Variants in MOB4 observed in about 807,000 individuals in gnomAD.
The protein encoded by MOB4 is MOB family member 4, phocein.
MOB4 carries 4 observed loss-of-function variants against 32.2 expected under a neutral mutation model. The ratio of observed to expected loss-of-function variants is 0.12; its 90% CI spans 0.06 to 0.28. MOB4 has a LOEUF of 0.28. MOB4 is among the 10% of genes least tolerant of loss of function. The pLI, the probability that MOB4 is intolerant of heterozygous loss-of-function variation, is 1.00. For synonymous variants in MOB4, 88 were observed against 88.1 expected (o/e 1.00, Z 0.01); for missense variants, 158 against 271.2 (o/e 0.58, Z 2.93).
rs75217826 is a variant in MOB4, at chr2:197,531,558, A to G, written c.124-3972A>G. Among the ~76,000 whole-genome samples the G allele has an allele frequency of 9.3e-3, 1,404 of 151,654 alleles. 32 individuals are homozygous for G. The highest frequency in any genetic ancestry group is 0.031 in the African/African-American group (1,292 of 41,332). On this transcript the variant is annotated intron_variant, in intron 2 of 7. Coordinates refer to ENST00000323303, the MANE Select transcript of MOB4 (RefSeq NM_015387.5). ...TTTACAAACTTGGAAACTTTTCAGC[A>G]TTATTTCTTCAAGTACCTTTTTTTT...
In MOB4 at chr2:197,535,674, T is replaced by C. The variant is rs779163218; in HGVS notation, c.224+44T>C. On this transcript the variant is annotated intron_variant, in intron 3 of 7. Coordinates refer to ENST00000323303, the MANE Select transcript of MOB4 (RefSeq NM_015387.5). Reference sequence around the variant, plus strand: ...ATACTAATAGTACCTCTCACAAAACTAGCTTTCATATTAATGATAATTATG... The same window carrying C: ...ATACTAATAGTACCTCTCACAAAACCAGCTTTCATATTAATGATAATTATG... 2.6e-5 allele frequency: 40 copies of C among 1,560,596 alleles called. No homozygotes were observed. The East Asian group carries it at 8.6e-4, about 34-fold the overall frequency.
At chr2:197,532,560 C>T (rs1419795681) in intron 2 of MOB4, among the ~76,000 whole-genome samples, 1 of 152,062 alleles carries the variant, frequency 6.6e-6, no homozygotes, top group African/African-American at 2.4e-5. Context: ...TGGGCGCACG[C>T]CTGTAATCCC....
chr2:197,522,323 C>CTTT lies in MOB4; in HGVS notation c.61-1278_61-1276dup, dbSNP rs57163165. Among the ~76,000 whole-genome samples the CTTT allele has an allele frequency of 3.7e-3, 244 of 66,488 alleles. 9 individuals are homozygous for CTTT. Among genetic ancestry groups the CTTT allele is most frequent in the African/African-American group, 7.6e-3 (98 of 12,882 alleles). The allele number at this position is 66,488 out of a possible 152,430, so 43.6% of individuals were successfully genotyped here. On this transcript the variant is annotated intron_variant, in intron 1 of 7. Transcript: ENST00000323303. Reference sequence around the variant, plus strand: ...TTTTTTTGTACCCATGGGTGATTACCTTTTTTTTTTTTTTTTTTTTTTTTT... The same window carrying CTTT: ...TTTTTTTGTACCCATGGGTGATTACCTTTTTTTTTTTTTTTTTTTTTTTTTTTT...
chr2:197,540,447 T>TA lies in MOB4; in HGVS notation c.354+11dup. 1 of 1,566,576 alleles carries TA rather than the reference T, an allele frequency of 6.4e-7. No homozygotes were observed. Among genetic ancestry groups the TA allele is most frequent in the Non-Finnish European group, 8.6e-7 (1 of 1,163,990 alleles). ...TAAAACTCCAAAAGAGGTGAGGATT[T>TA]ATGAAATAGAGTAACTAATAAAATT... is the stretch of plus-strand genomic sequence containing the variant. On this transcript the variant is annotated intron_variant, in intron 5 of 7. Transcript: ENST00000323303.
At chr2:197,524,541 AAAAAAAC>A (rs1399397782) in intron 2 of MOB4, among the ~76,000 whole-genome samples, 129 of 151,576 alleles carry the variant, frequency 8.5e-4, no homozygotes, top group Middle Eastern at 6.8e-3. Flanking sequence ...AAAAAAAAAA[AAAAAAAC>A]AAAAACAAAA....
chr2:197,516,067 G>A lies in MOB4; in HGVS notation c.-20G>A. 6.3e-7 allele frequency: 1 copy of A among 1,575,992 alleles called. No individual in the cohort carries two copies. Among genetic ancestry groups the A allele is most frequent in the Non-Finnish European group, 8.6e-7 (1 of 1,161,568 alleles). ...TCCCTACATCCGGGTACCGACTCCA[G>A]CCGCCTAGACGCTGGCACTATGGTC... On this transcript the variant is annotated 5_prime_UTR_variant, in exon 1 of 8. Coordinates refer to ENST00000323303, the MANE Select transcript of MOB4 (RefSeq NM_015387.5).
chr2:197,524,542 A>AAAAAAC (rs1193621396), intron 2 of MOB4, among the ~76,000 whole-genome samples: 2 of 151,040 alleles, frequency 1.3e-5, no homozygotes, highest in Admixed American at 6.6e-5. Flanking sequence ...AAAAAAAAAA[A>AAAAAAC]AAAAACAAAA....
chr2:197,527,208 T>C (rs528066202), intron 2 of MOB4, among the ~76,000 whole-genome samples: 13 of 152,322 alleles, frequency 8.5e-5, no homozygotes, highest in African/African-American at 2.9e-4. Context: ...AGATAGAGAT[T>C]GCCTCGTATC....
chr2:197,519,615 A>T (rs2086478802), intron 1 of MOB4, among the ~76,000 whole-genome samples: 1 of 152,254 alleles, frequency 6.6e-6, no homozygotes, highest in Admixed American at 6.5e-5. Flanking sequence ...CAACTATCTT[A>T]GACCTAACTA....
intron 5 of MOB4, among the ~76,000 whole-genome samples, chr2:197,541,743 C>T (rs1412395982): frequency 1.3e-5 from 2 of 151,956 alleles, no homozygotes; most frequent in Non-Finnish European, 1.5e-5. Flanking sequence ...AACGGTGAAA[C>T]CCCGTCTCTA....
chr2:197,522,257 T>C (rs946619884), intron 1 of MOB4, among the ~76,000 whole-genome samples: 5 of 151,918 alleles, frequency 3.3e-5, no homozygotes, highest in Non-Finnish European at 5.9e-5. Context: ...ATAGTCACCC[T>C]ATTGTGCTAG....
At chr2:197,521,588 C>T (rs1320144217) in intron 1 of MOB4, among the ~76,000 whole-genome samples, 1 of 152,146 alleles carries the variant, frequency 6.6e-6, no homozygotes, top group African/African-American at 2.4e-5. Flanking sequence ...GTTTATTTCA[C>T]CCCTACAGTT....
intron 2 of MOB4, among the ~76,000 whole-genome samples, chr2:197,525,045 A>C (rs1294213416): frequency 6.6e-6 from 1 of 152,144 alleles, no homozygotes; most frequent in Non-Finnish European, 1.5e-5. Flanking sequence ...TGATAGCCAG[A>C]TAATAAAAGT....
At chr2:197,523,145 T>G (rs182915113) in intron 1 of MOB4, among the ~76,000 whole-genome samples, 3 of 152,256 alleles carry the variant, frequency 2.0e-5, no homozygotes, top group Admixed American at 6.5e-5. Flanking sequence ...TTTTGAGAGA[T>G]ATTTAACCAT....
rs978417404 is a variant in MOB4 at position 197,551,121 on chromosome 2, G to A, written c.*475G>A. 1.3e-5 allele frequency: 2 copies of A among 152,296 alleles called. No homozygotes were observed. The highest frequency in any genetic ancestry group is 4.8e-5 in the African/African-American group (2 of 41,432). 9.4% of individuals were successfully genotyped at this position (152,296 alleles called of 1,614,324 possible). On this transcript the variant is annotated 3_prime_UTR_variant, in exon 8 of 8. Transcript: ENST00000323303. Reference sequence around the variant, plus strand: ...TTAACTTTCCCCAATTGAGATAAAAGTGTTTTAAAATTCTGTTTATAGTTT... The same window carrying A: ...TTAACTTTCCCCAATTGAGATAAAAATGTTTTAAAATTCTGTTTATAGTTT...
intron 2 of MOB4, among the ~76,000 whole-genome samples, chr2:197,534,863 T>G (rs1295521369): frequency 1.3e-5 from 2 of 152,038 alleles, no homozygotes; most frequent in African/African-American, 2.4e-5. Flanking sequence ...TATTTATCCT[T>G]CCTGAAAGGA....
Position 197,547,083 on chromosome 2 carries a change from C to CT in MOB4, c.355-1245dup, listed in dbSNP as rs1277129218. Among the ~76,000 whole-genome samples the CT allele has an allele frequency of 6.8e-5, 10 of 146,644 alleles. 1 individual carries two copies. The South Asian group carries it at 8.3e-4, about 12-fold the overall frequency. On this transcript the variant is annotated intron_variant, in intron 5 of 7. Coordinates refer to ENST00000323303, the MANE Select transcript of MOB4 (RefSeq NM_015387.5). ...CAACATAGTGAGACCTTCTTTCTTT[C>CT]TTTTTTTTAAAGAAAATCGTAAGGA...
At chr2:197,521,438 G>A (rs1481752531) in intron 1 of MOB4, among the ~76,000 whole-genome samples, 1 of 152,214 alleles carries the variant, frequency 6.6e-6, no homozygotes, top group African/African-American at 2.4e-5. Flanking sequence ...AATTAAAATT[G>A]CTAATGAAGT....
intron 2 of MOB4, chr2:197,533,827 C>T: frequency 1.7e-6 from 1 of 591,640 alleles, no homozygotes. Flanking sequence ...GACTTTAAGA[C>T]TTTTAGAATC....
Sources: gnomAD v4.1 joint callset for allele counts (sites outside exome capture counted in the v4.1 genomes callset) on GRCh38, gnomAD v4.1.1 for gene constraint, MANE v1.5 for transcripts, NCBI Gene and HGNC (gene_info 2026-07-23, HGNC 2026-07-21) for gene names.